The following DOCK4 variants were observed in gnomAD, a reference collection of about 807,000 sequenced individuals.
DOCK4 encodes the protein dedicator of cytokinesis protein 4.
Under a neutral mutation model 268.1 loss-of-function variants are expected in DOCK4, and 97 were observed. The observed-to-expected ratio is 0.36, with a 90% confidence interval of 0.31 to 0.43. The LOEUF (loss-of-function observed/expected upper bound fraction) is 0.43. Among genes scored for constraint, DOCK4 ranks in the 20% least tolerant of loss-of-function variants. The pLI is 1.00. For missense variants in DOCK4, 2,145 were observed against 2,455.7 expected, an observed-to-expected ratio of 0.87 and a Z score of 2.67; for synonymous variants, 954 against 887.2, an observed-to-expected ratio of 1.08 and a Z score of -1.34.
chr7:111,934,079 A>G (rs138669218), intron 12 of DOCK4, among the ~76,000 whole-genome samples: 2 of 152,250 alleles, frequency 1.3e-5, no homozygotes. Flanking sequence ...TTTAAAAATC[A>G]GTCTTAAAAA....
intron 23 of DOCK4, among the ~76,000 whole-genome samples, chr7:111,854,755 C>T (rs1488110504): frequency 2.0e-5 from 3 of 152,190 alleles, no homozygotes; most frequent in Non-Finnish European, 4.4e-5. Flanking sequence ...CATGAAACAT[C>T]TATTAAGCAC....
intron 1 of DOCK4, among the ~76,000 whole-genome samples, chr7:112,122,318 C>T (rs1395642087): frequency 1.3e-5 from 2 of 152,142 alleles, no homozygotes; most frequent in Admixed American, 1.3e-4. Context: ...TACCCATTAA[C>T]TCCTCTTTCC....
chr7:111,998,534 C>A, intron 3 of DOCK4, 31 bp from the exon 4 acceptor site: 1 of 1,548,126 alleles, frequency 6.5e-7, no homozygotes, highest in South Asian at 1.2e-5. Context: ...GTTACGATGC[C>A]GGCTGTTAAG....
chr7:112,185,504 T>G (rs1052559998), intron 1 of DOCK4, among the ~76,000 whole-genome samples: 1 of 152,074 alleles, frequency 6.6e-6, no homozygotes, highest in African/African-American at 2.4e-5. Context: ...TAGGGTAGTA[T>G]TCTACAAACA....
At chr7:111,846,111 G>T (rs549519050) in intron 24 of DOCK4, among the ~76,000 whole-genome samples, 23 of 152,064 alleles carry the variant, frequency 1.5e-4, no homozygotes, top group Non-Finnish European at 2.4e-4. Flanking sequence ...CGCTACTGGG[G>T]CTCTATCTCC....
At chr7:111,965,543 C>A (rs1388361689) in intron 8 of DOCK4, among the ~76,000 whole-genome samples, 2 of 42,226 alleles carry the variant, frequency 4.7e-5, no homozygotes, top group South Asian at 1.3e-3. Context: ...CAGGAGCACC[C>A]AGATTCATAA....
At chr7:111,828,548 AAAC>A (rs1802570026) in intron 26 of DOCK4, among the ~76,000 whole-genome samples, 1 of 152,202 alleles carries the variant, frequency 6.6e-6, no homozygotes, top group Admixed American at 6.5e-5. Flanking sequence ...TAGGAATAAA[AAAC>A]AACATGAATA....
intron 1 of DOCK4, among the ~76,000 whole-genome samples, chr7:112,063,239 T>G (rs1806596869): frequency 6.6e-6 from 1 of 152,206 alleles, no homozygotes; most frequent in African/African-American, 2.4e-5. Context: ...GCACAGGGAA[T>G]CAAAAATGCC....
chr7:112,076,555 A>C (rs977375988), intron 1 of DOCK4, among the ~76,000 whole-genome samples: 1 of 152,124 alleles, frequency 6.6e-6, no homozygotes, highest in Non-Finnish European at 1.5e-5. Flanking sequence ...ATATTTTCAA[A>C]ATATGTTTTG....
intron 8 of DOCK4, among the ~76,000 whole-genome samples, chr7:111,969,550 A>C (rs1207135468): frequency 6.6e-6 from 1 of 152,046 alleles, no homozygotes; most frequent in Non-Finnish European, 1.5e-5. Context: ...TCTCTTGAAA[A>C]TTCAAACAAT....
intron 1 of DOCK4, 52 bp downstream of exon 1, chr7:112,206,050 G>C: frequency 6.5e-7 from 1 of 1,547,540 alleles, no homozygotes; most frequent in Non-Finnish European, 8.8e-7. Flanking sequence ...GACGAGAAAT[G>C]CGCACTCGCT....
chr7:111,789,302 C>T (rs1433092559), intron 31 of DOCK4: 1 of 153,252 alleles, frequency 6.5e-6, no homozygotes, highest in East Asian at 1.9e-4. Context: ...AGAGAAAGGA[C>T]ATATTTCCTG....
At chr7:112,059,134 C>CTTTTTTTTTTTTT (rs572050793) in intron 1 of DOCK4, among the ~76,000 whole-genome samples, 3 of 98,978 alleles carry the variant, frequency 3.0e-5, no homozygotes, top group Admixed American at 1.3e-4. Flanking sequence ...GCAGCATTTC[C>CTTTTTTTTTTTTT]TTTTTTTTTT....
intron 32 of DOCK4, 128 bp downstream of exon 32, chr7:111,788,534 C>G (rs1157820407): frequency 1.4e-6 from 1 of 733,386 alleles, no homozygotes; most frequent in East Asian, 2.7e-5. Context: ...TCACACTCCA[C>G]AAAGACAAAG....
At chr7:111,732,806 C>A (rs1283479949) in intron 51 of DOCK4, among the ~76,000 whole-genome samples, 1 of 152,190 alleles carries the variant, frequency 6.6e-6, no homozygotes, top group Admixed American at 6.5e-5. Context: ...TTGGCCATGG[C>A]CATACAACAG....
At chr7:112,203,999 C>T (rs1821168049) in intron 1 of DOCK4, among the ~76,000 whole-genome samples, 1 of 151,992 alleles carries the variant, frequency 6.6e-6, no homozygotes, top group Non-Finnish European at 1.5e-5. Context: ...GGCAAAAGAC[C>T]CTCTCTCTGC....
intron 27 of DOCK4, among the ~76,000 whole-genome samples, chr7:111,815,766 C>T (rs1239214779): frequency 6.6e-6 from 1 of 151,434 alleles, no homozygotes; most frequent in Non-Finnish European, 1.5e-5. Flanking sequence ...CTGCCTCCCA[C>T]ATTCAAGCAA....
intron 1 of DOCK4, among the ~76,000 whole-genome samples, chr7:112,161,389 A>G (rs919093628): frequency 6.6e-6 from 1 of 152,208 alleles, no homozygotes; most frequent in Non-Finnish European, 1.5e-5. Flanking sequence ...CCAGACACAT[A>G]GTAATGGGAA....
At chr7:111,748,536 T>C (rs1470047921) in intron 42 of DOCK4, among the ~76,000 whole-genome samples, 1 of 152,118 alleles carries the variant, frequency 6.6e-6, no homozygotes, top group African/African-American at 2.4e-5. Context: ...TCATTTGTGA[T>C]CAAAGATGTG....
Sources: allele counts gnomAD v4.1 joint callset (sites outside exome capture counted in the v4.1 genomes callset), GRCh38; gene constraint gnomAD v4.1.1; transcripts MANE v1.5; gene names NCBI Gene and HGNC (gene_info 2026-07-23, HGNC 2026-07-21).